The following CHD9 variants were observed in gnomAD, a reference collection of about 807,000 sequenced individuals.
The protein encoded by CHD9 is ATP-dependent chromatin remodeler CHD9.
CHD9 carries 77 observed loss-of-function variants against 316.1 expected under a neutral mutation model. The ratio of observed to expected loss-of-function variants is 0.24; its 90% CI spans 0.20 to 0.29. The LOEUF (loss-of-function observed/expected upper bound fraction) is 0.29, where lower values mean the gene tolerates loss of function less well. CHD9 is among the 10% of genes least tolerant of loss of function. CHD9 has a pLI of 1.00. For synonymous variants in CHD9, 1,129 were observed against 1,158.3 expected (o/e 0.97, Z 0.51); for missense variants, 2,763 against 3,438.1 (o/e 0.80, Z 4.91).
chr16:53,317,127 C>T (rs1000817968), intron 36 of CHD9, among the ~76,000 whole-genome samples: 35 of 129,082 alleles, frequency 2.7e-4, no homozygotes, highest in Non-Finnish European at 5.0e-4. Context: ...ACCCGGGAGG[C>T]AGAGGCTGTC....
At chr16:53,243,049 G>A (rs1567546231) in intron 13 of CHD9, 33 bp downstream of exon 13, 1 of 1,463,426 alleles carries the variant, frequency 6.8e-7, no homozygotes, top group Non-Finnish European at 9.4e-7. Flanking sequence ...TATGACAATT[G>A]AGTTTATTAG....
intron 1 of CHD9, among the ~76,000 whole-genome samples, chr16:53,136,736 C>T (rs1248313748): frequency 6.6e-6 from 1 of 152,110 alleles, no homozygotes; most frequent in Non-Finnish European, 1.5e-5. Context: ...TATGAACACA[C>T]TTATTCTGCT....
intron 2 of CHD9, among the ~76,000 whole-genome samples, chr16:53,209,076 G>A (rs1170790244): frequency 1.3e-5 from 2 of 152,122 alleles, no homozygotes; most frequent in Non-Finnish European, 1.5e-5. Flanking sequence ...ACTGTATGGA[G>A]TAATTCTAAA....
At chr16:53,294,331 C>T (rs1167805563) in intron 29 of CHD9, among the ~76,000 whole-genome samples, 1 of 152,188 alleles carries the variant, frequency 6.6e-6, no homozygotes, top group African/African-American at 2.4e-5. Context: ...TAGTCTGACA[C>T]TTAAGATTTT....
intron 2 of CHD9, among the ~76,000 whole-genome samples, chr16:53,193,915 T>C (rs138647316): frequency 1.3e-5 from 2 of 152,296 alleles, no homozygotes; most frequent in African/African-American, 4.8e-5. Context: ...TAATATACTA[T>C]AGTAATATTA....
At chr16:53,293,272 A>T (rs1469428357) in intron 29 of CHD9, among the ~76,000 whole-genome samples, 1 of 152,192 alleles carries the variant, frequency 6.6e-6, no homozygotes, top group Non-Finnish European at 1.5e-5. Flanking sequence ...GACTAACCAT[A>T]CTGTAATCAT....
At chr16:53,315,178 A>C in intron 36 of CHD9, 134 bp downstream of exon 36, 1 of 638,916 alleles carries the variant, frequency 1.6e-6, no homozygotes, top group East Asian at 2.7e-5. Context: ...TAGCAGAAAA[A>C]ATAATTACCA....
At chr16:53,109,677 CTTT>C (rs1166073629) in intron 1 of CHD9, among the ~76,000 whole-genome samples, 40 of 71,590 alleles carry the variant, frequency 5.6e-4, no homozygotes, top group African/African-American at 1.8e-3. Context: ...TTCCCAGTTT[CTTT>C]TTTTTTTTTT....
chr16:53,119,304 AATT>A (rs1204870184), intron 1 of CHD9, among the ~76,000 whole-genome samples: 1 of 152,138 alleles, frequency 6.6e-6, no homozygotes, highest in Non-Finnish European at 1.5e-5. Flanking sequence ...ATAATTTTAA[AATT>A]ATTGAAGATT....
In CHD9 at chr16:53,255,471, C is replaced by G. The variant is rs541437584; in HGVS notation, c.4030-129C>G. Reference sequence around the variant, plus strand: ...AATGTATTATTTCTGTGAATTCTCTCTTATGCGCATCCCAAACCCAAATGC... The same window carrying G: ...AATGTATTATTTCTGTGAATTCTCTGTTATGCGCATCCCAAACCCAAATGC... On this transcript the variant is annotated intron_variant, in intron 18 of 38. Transcript: ENST00000447540. The G allele has an allele frequency of 4.2e-5, 29 of 691,638 alleles. No individual in the cohort carries two copies. The African/African-American group carries it at 4.7e-4, about 11-fold the overall frequency. 42.8% of individuals were successfully genotyped at this position (691,638 alleles called of 1,614,324 possible). A position where few individuals can be genotyped will look rare whatever the true frequency, so the allele number is the denominator to read the frequency against.
At chr16:53,119,645 C>T (rs2038586375) in intron 1 of CHD9, among the ~76,000 whole-genome samples, 1 of 152,012 alleles carries the variant, frequency 6.6e-6, no homozygotes, top group Non-Finnish European at 1.5e-5. Flanking sequence ...GCAGCCTGGC[C>T]AACATGGTGA....
At chr16:53,323,948 TTGTA>T in intron 38 of CHD9, 68 bp from the exon 39 acceptor site, 1 of 1,259,804 alleles carries the variant, frequency 7.9e-7, no homozygotes, top group Non-Finnish European at 1.1e-6. Context: ...TCATGGTTAT[TTGTA>T]TGATAAGCTA....
chr16:53,306,179 A>G lies in CHD9; in HGVS notation c.6620-58A>G. ...TTCTGAATAATTATGTAAAATCCTT[A>G]TATATAAAACTATTTTATGTAGTCT... is the stretch of plus-strand genomic sequence containing the variant. On this transcript the variant is annotated intron_variant, in intron 31 of 38. Transcript: ENST00000447540. 5.1e-6 allele frequency: 5 copies of G among 983,006 alleles called. No individual in the cohort carries two copies. In the South Asian group the frequency reaches 1.8e-4, roughly 36 times the overall value. The allele number at this position is 983,006 out of a possible 1,614,324, so 60.9% of individuals were successfully genotyped here. A position where few individuals can be genotyped will look rare whatever the true frequency, so the allele number is the denominator to read the frequency against.
intron 1 of CHD9, among the ~76,000 whole-genome samples, chr16:53,059,121 A>G (rs2032543297): frequency 6.6e-6 from 1 of 152,208 alleles, no homozygotes; most frequent in Non-Finnish European, 1.5e-5. Flanking sequence ...GATTACAAGC[A>G]TGATCTACCT....
chr16:53,244,693 C>G (rs1382581325), intron 13 of CHD9, among the ~76,000 whole-genome samples: 1 of 151,820 alleles, frequency 6.6e-6, no homozygotes, highest in Non-Finnish European at 1.5e-5. Flanking sequence ...TTCTTTTTTT[C>G]TAAAATTATT....
intron 1 of CHD9, among the ~76,000 whole-genome samples, chr16:53,118,533 C>T (rs2152644066): frequency 6.6e-6 from 1 of 152,222 alleles, no homozygotes; most frequent in South Asian, 2.1e-4. Flanking sequence ...TTATTTTTGG[C>T]AAAATGTTCT....
intron 16 of CHD9, 129 bp from the exon 17 acceptor site, chr16:53,249,742 T>G: frequency 2.5e-5 from 18 of 724,502 alleles, no homozygotes; most frequent in Non-Finnish European, 3.9e-5. Flanking sequence ...AGAAACTACT[T>G]GAGATGATAT....
chr16:53,262,406 C>G (rs1045814542), intron 19 of CHD9, among the ~76,000 whole-genome samples: 2 of 152,046 alleles, frequency 1.3e-5, no homozygotes, highest in African/African-American at 4.8e-5. Context: ...TTCTTTTGCT[C>G]CTCAATATTT....
chr16:53,322,436 G>A (rs1159653716), intron 38 of CHD9, among the ~76,000 whole-genome samples: 6 of 151,378 alleles, frequency 4.0e-5, no homozygotes, highest in Non-Finnish European at 8.8e-5. Flanking sequence ...GAGAAACCCC[G>A]TCTCTACTAA....
Sources: gnomAD v4.1 joint callset for allele counts (sites outside exome capture counted in the v4.1 genomes callset) on GRCh38, gnomAD v4.1.1 for gene constraint, MANE v1.5 for transcripts, NCBI Gene and HGNC (gene_info 2026-07-23, HGNC 2026-07-21) for gene names.